Variants in SLC25A20 observed in about 807,000 individuals in gnomAD.
SLC25A20 encodes solute carrier family 25 member 20, also known as mitochondrial carnitine/acylcarnitine carrier protein.
Under a neutral mutation model 39.7 loss-of-function variants are expected in SLC25A20, and 29 were observed. That is an observed-to-expected ratio of 0.73 (90% CI 0.54 to 1.00). The LOEUF is 1.00. SLC25A20 is among the 50% of genes least tolerant of loss of function. The pLI is 0.00. For missense variants in SLC25A20, 333 were observed against 379.9 expected (o/e 0.88, Z 1.03); for synonymous variants, 103 against 142.2 (o/e 0.72, Z 1.96).
chr3:48,864,148 C>A (rs549860854), intron 4 of SLC25A20, among the ~76,000 whole-genome samples: 1 of 151,884 alleles, frequency 6.6e-6, no homozygotes, highest in South Asian at 2.1e-4. Context: ...GAGTTCGAGA[C>A]CAGCCTGGCC....
rs2083584288 is a variant in SLC25A20, at chr3:48,856,979, GAA to G, written c.*729_*730del. ...TTGTTAAAATAGTGAGCTCTCATGAGAAAAGAGTATGTAAAAAGGGCCTTCCT... is the reference window on the plus strand; with the variant it reads ...TTGTTAAAATAGTGAGCTCTCATGAGAAGAGTATGTAAAAAGGGCCTTCCT... On this transcript the variant is annotated 3_prime_UTR_variant, in exon 9 of 9. Transcript: ENST00000319017. 1 of 152,208 alleles carries G rather than the reference GAA, an allele frequency of 6.6e-6. No individual in the cohort carries two copies. The highest frequency in any genetic ancestry group is 2.1e-4 in the South Asian group (1 of 4,832). 9.4% of individuals were successfully genotyped at this position (152,208 alleles called of 1,614,324 possible).
Position 48,879,811 on chromosome 3 carries a change from G to A in SLC25A20, c.327-363C>T, listed in dbSNP as rs566218583. 2.8e-3 allele frequency among the ~76,000 whole-genome samples: 432 copies of A among 152,254 alleles called. 4 individuals are homozygous for A. The highest frequency in any genetic ancestry group is 9.9e-3 in the African/African-American group (410 of 41,558). On this transcript the variant is annotated intron_variant, in intron 3 of 8. Transcript: ENST00000319017. Reference sequence around the variant, plus strand: ...TGGACAAGTTTCCAGGCCTCTCTGAGCCTCAATTCTCCCTAGTTAACATGC... The same window carrying A: ...TGGACAAGTTTCCAGGCCTCTCTGAACCTCAATTCTCCCTAGTTAACATGC...
At chr3:48,898,291 G>T (rs971994966) in intron 1 of SLC25A20, among the ~76,000 whole-genome samples, 1 of 152,192 alleles carries the variant, frequency 6.6e-6, no homozygotes, top group Non-Finnish European at 1.5e-5. Context: ...CAACCGTACC[G>T]CTCTGTCTTT....
chr3:48,859,595 A>C lies in SLC25A20; in HGVS notation c.568T>G (p.Tyr190Asp). The C allele has an allele frequency of 6.2e-7, 1 of 1,613,972 alleles. No homozygotes were observed. The highest frequency in any genetic ancestry group is 1.3e-5 in the African/African-American group (1 of 75,042). Residue 190 changes from tyrosine (Y) to aspartate (D), a missense_variant, in exon 6 of 9, where the codon TAT becomes GAT. Tyr to Asp is a radical substitution (Grantham distance 160). Coordinates refer to ENST00000319017, the MANE Select transcript of SLC25A20 (RefSeq NM_000387.6). ...GTGAAGATATTTTTCAGCCATTCAT[A>C]TGTCATGAAATACATTCCACTAGCT... ...VPASGMYFMT[Y>D]EWLKNIFTPE...
At chr3:48,883,324 G>A (rs977840412) in intron 3 of SLC25A20, among the ~76,000 whole-genome samples, 4 of 151,980 alleles carry the variant, frequency 2.6e-5, no homozygotes, top group Non-Finnish European at 5.9e-5. Context: ...AGGCCGAGGC[G>A]GGTGGATCAC....
At chr3:48,867,878 T>C (rs1477629555) in intron 4 of SLC25A20, among the ~76,000 whole-genome samples, 1 of 151,118 alleles carries the variant, frequency 6.6e-6, no homozygotes, top group African/African-American at 2.4e-5. Context: ...CTGACCAACA[T>C]GGAGAAACCC....
chr3:48,887,899 TA>T (rs921371949), intron 2 of SLC25A20, among the ~76,000 whole-genome samples: 1 of 146,198 alleles, frequency 6.8e-6, no homozygotes, highest in Non-Finnish European at 1.5e-5. Flanking sequence ...TGAGACTCCA[TA>T]AAAAAAAAGA....
At chr3:48,877,282 C>T (rs1401244846) in intron 4 of SLC25A20, among the ~76,000 whole-genome samples, 8 of 152,048 alleles carry the variant, frequency 5.3e-5, no homozygotes, top group Non-Finnish European at 8.8e-5. Context: ...AGCATGGTGG[C>T]GCATGCCTGT....
chr3:48,896,909 A>G (rs767963769), intron 1 of SLC25A20, among the ~76,000 whole-genome samples: 4 of 151,264 alleles, frequency 2.6e-5, no homozygotes, highest in Non-Finnish European at 4.4e-5. Flanking sequence ...GGGTCTCCCT[A>G]CTCCTTCAGT....
Position 48,861,140 on chromosome 3 carries a change from T to TA in SLC25A20, c.535+1401dup, listed in dbSNP as rs536775173. 3.1e-3 allele frequency among the ~76,000 whole-genome samples: 465 copies of TA among 152,250 alleles called. 7 individuals carry two copies. The Middle Eastern group carries it at 0.037, about 12-fold the overall frequency. On this transcript the variant is annotated intron_variant, in intron 5 of 8. Transcript: ENST00000319017. Reference sequence around the variant, plus strand: ...CCACGCCCAGCTATTATTATTTTAATAGAGACAGGGTATCACTATTTTACC... The same window carrying TA: ...CCACGCCCAGCTATTATTATTTTAATAAGAGACAGGGTATCACTATTTTACC...
At position 48,857,545 on chromosome 3, in the gene SLC25A20, G is replaced by A; in HGVS notation, c.*165C>T. 1.5e-6 allele frequency: 1 copy of A among 678,416 alleles called. No homozygotes were observed. 42.0% of individuals were successfully genotyped at this position (678,416 alleles called of 1,614,324 possible). ...AAAATGACACACTAAGTTATACACGGTGCAGGATGTCATTAAGGCAACAGT... is the reference window on the plus strand; with the variant it reads ...AAAATGACACACTAAGTTATACACGATGCAGGATGTCATTAAGGCAACAGT... On this transcript the variant is annotated 3_prime_UTR_variant, in exon 9 of 9. Transcript: ENST00000319017.
intron 4 of SLC25A20, among the ~76,000 whole-genome samples, chr3:48,874,340 C>T (rs1298928617): frequency 1.3e-5 from 2 of 152,032 alleles, no homozygotes; most frequent in African/African-American, 4.8e-5. Context: ...GAGGAACACA[C>T]CTGTCATCCC....
intron 3 of SLC25A20, among the ~76,000 whole-genome samples, chr3:48,882,906 G>T (rs1051999698): frequency 2.0e-5 from 3 of 151,052 alleles, no homozygotes; most frequent in African/African-American, 7.3e-5. Flanking sequence ...CAAGTACTTG[G>T]GCTGGGCACA....
intron 4 of SLC25A20, among the ~76,000 whole-genome samples, chr3:48,867,596 T>C (rs1277300239): frequency 2.0e-5 from 3 of 151,440 alleles, no homozygotes; most frequent in African/African-American, 4.9e-5. Flanking sequence ...AGCATGTTTA[T>C]GCCTTTATTC....
At chr3:48,865,329 T>C (rs1000412668) in intron 4 of SLC25A20, among the ~76,000 whole-genome samples, 1 of 151,860 alleles carries the variant, frequency 6.6e-6, no homozygotes, top group South Asian at 2.1e-4. Context: ...GGTTTCACCA[T>C]GTTGGCCAGG....
In SLC25A20 at chr3:48,879,465, A is replaced by T; in HGVS notation, c.327-17T>A. 6.4e-7 allele frequency: 1 copy of T among 1,567,602 alleles called. No homozygotes were observed. The highest frequency in any genetic ancestry group is 8.8e-7 in the Non-Finnish European group (1 of 1,137,592). The stretch of plus-strand genomic sequence containing the variant: ...TGGGGATAGCTGCATTGAAAACAAA[A>T]AGCAGAAGCAAGCACCTGTGACTAA... On this transcript the variant is annotated splice_polypyrimidine_tract_variant and intron_variant, in intron 3 of 8. Coordinates refer to ENST00000319017, the MANE Select transcript of SLC25A20 (RefSeq NM_000387.6).
chr3:48,869,086 T>C (rs1296748651), intron 4 of SLC25A20, among the ~76,000 whole-genome samples: 3 of 152,146 alleles, frequency 2.0e-5, no homozygotes, highest in Non-Finnish European at 4.4e-5. Context: ...AACCTTGATT[T>C]CTACCTCCAC....
intron 4 of SLC25A20, among the ~76,000 whole-genome samples, chr3:48,869,282 A>G (rs2083694593): frequency 1.3e-5 from 2 of 152,254 alleles, no homozygotes; most frequent in African/African-American, 4.8e-5. Flanking sequence ...CAGAGACATT[A>G]GAATTATCTG....
chr3:48,886,416 C>T (rs1402792037), intron 2 of SLC25A20, among the ~76,000 whole-genome samples: 1 of 151,966 alleles, frequency 6.6e-6, no homozygotes, highest in Admixed American at 6.6e-5. Context: ...CCCAGCTACT[C>T]AGGAGGCTGA....
Sources: gnomAD v4.1 joint callset for allele counts (sites outside exome capture counted in the v4.1 genomes callset) on GRCh38, gnomAD v4.1.1 for gene constraint, MANE v1.5 for transcripts, NCBI Gene and HGNC (gene_info 2026-07-23, HGNC 2026-07-21) for gene names.